Variants in SH3RF3 observed in about 807,000 individuals in gnomAD.
The protein encoded by SH3RF3 is E3 ubiquitin-protein ligase SH3RF3.
A neutral mutation model predicts 66.3 loss-of-function variants in SH3RF3; 29 were observed. That is an observed-to-expected ratio of 0.44 (90% confidence interval 0.33 to 0.60). SH3RF3 has a LOEUF of 0.60. SH3RF3 is among the 20% of genes least tolerant of loss of function. The pLI is 0.04. For synonymous variants in SH3RF3, 583 were observed against 532.0 expected, an observed-to-expected ratio of 1.10 and a Z score of -1.32; for missense variants, 1,194 against 1,190.9, an observed-to-expected ratio of 1.00 and a Z score of -0.04.
chr2:109,491,052 T>G, intron 9 of SH3RF3, 116 bp downstream of exon 9: 4 of 985,906 alleles, frequency 4.1e-6, no homozygotes, highest in Non-Finnish European at 5.5e-6. Flanking sequence ...TTACCAGATG[T>G]ACCTCAACAC....
intron 3 of SH3RF3, among the ~76,000 whole-genome samples, chr2:109,373,864 C>T (rs1033717197): frequency 6.6e-6 from 1 of 152,138 alleles, no homozygotes; most frequent in Admixed American, 6.5e-5. Context: ...TGCGTTGGGC[C>T]CCTCAGCCCC....
At chr2:109,212,571 G>C (rs989005117) in intron 1 of SH3RF3, among the ~76,000 whole-genome samples, 1 of 152,200 alleles carries the variant, frequency 6.6e-6, no homozygotes, top group Non-Finnish European at 1.5e-5. Context: ...GGAGTGGCTT[G>C]AGGAGAAGTC....
chr2:109,253,801 A>G (rs1213628686), intron 1 of SH3RF3, among the ~76,000 whole-genome samples: 1 of 152,206 alleles, frequency 6.6e-6, no homozygotes, highest in Non-Finnish European at 1.5e-5. Flanking sequence ...ATAGGTTGAC[A>G]CACAAAGATT....
chr2:109,479,567 G>A (rs1183819670), intron 8 of SH3RF3, among the ~76,000 whole-genome samples: 1 of 152,170 alleles, frequency 6.6e-6, no homozygotes, highest in Non-Finnish European at 1.5e-5. Flanking sequence ...ATGGGCAGAG[G>A]AAGCAGCAGC....
chr2:109,192,486 T>C (rs961636193), intron 1 of SH3RF3, among the ~76,000 whole-genome samples: 1 of 152,250 alleles, frequency 6.6e-6, no homozygotes, highest in South Asian at 2.1e-4. Context: ...TAGCCTGGTA[T>C]ACATTTGTGT....
intron 1 of SH3RF3, among the ~76,000 whole-genome samples, chr2:109,143,927 C>T (rs1483778686): frequency 1.3e-5 from 2 of 152,038 alleles, no homozygotes; most frequent in Non-Finnish European, 2.9e-5. Context: ...GGACGTTATG[C>T]GAAGTGAAAC....
intron 1 of SH3RF3, among the ~76,000 whole-genome samples, chr2:109,232,629 T>G: frequency 6.6e-6 from 1 of 152,164 alleles, no homozygotes; most frequent in East Asian, 1.9e-4. Flanking sequence ...GTCCATCCCT[T>G]CTTTCTGGAA....
intron 1 of SH3RF3, among the ~76,000 whole-genome samples, chr2:109,229,889 A>G (rs113780508): frequency 2.0e-5 from 3 of 148,442 alleles, no homozygotes; most frequent in Non-Finnish European, 4.4e-5. Flanking sequence ...CAGTGGCGCA[A>G]TCTTGGCTCA....
At position 109,364,231 on chromosome 2, in the gene SH3RF3, G is replaced by A. The variant is rs113518277; in HGVS notation, c.850-7355G>A. Among the ~76,000 whole-genome samples the A allele has an allele frequency of 7.5e-3, 1,138 of 151,106 alleles. 17 individuals carry two copies. Among genetic ancestry groups the A allele is most frequent in the African/African-American group, 0.026 (1,076 of 41,112 alleles). On this transcript the variant is annotated intron_variant, in intron 2 of 9. Coordinates refer to ENST00000309415, the MANE Select transcript of SH3RF3 (RefSeq NM_001099289.3). ...GAGGTTTCTATTGAGATATCCTCAA[G>A]CTCAGAGAGTCTTTCCTCAACTGTG...
chr2:109,420,360 A>G (rs1256177798), intron 5 of SH3RF3, among the ~76,000 whole-genome samples: 1 of 150,772 alleles, frequency 6.6e-6, no homozygotes, highest in African/African-American at 2.5e-5. Flanking sequence ...AGTTCTGTGA[A>G]TGCAGGGTGG....
At chr2:109,408,449 C>T (rs569818523) in intron 4 of SH3RF3, among the ~76,000 whole-genome samples, 1 of 152,356 alleles carries the variant, frequency 6.6e-6, no homozygotes, top group African/African-American at 2.4e-5. Context: ...GGCTAAACCA[C>T]CTACCTCCCC....
intron 3 of SH3RF3, among the ~76,000 whole-genome samples, chr2:109,388,045 C>T (rs1206127433): frequency 1.3e-5 from 2 of 152,214 alleles, no homozygotes; most frequent in African/African-American, 4.8e-5. Flanking sequence ...GTTCAGCCCT[C>T]ACAGCCTGAA....
intron 2 of SH3RF3, among the ~76,000 whole-genome samples, chr2:109,348,853 A>G (rs1682779763): frequency 6.6e-6 from 1 of 152,128 alleles, no homozygotes; most frequent in South Asian, 2.1e-4. Flanking sequence ...TGACAGAGCC[A>G]GAATCCTAAT....
At chr2:109,439,974 G>C (rs567353056) in intron 7 of SH3RF3, among the ~76,000 whole-genome samples, 1 of 152,302 alleles carries the variant, frequency 6.6e-6, no homozygotes, top group East Asian at 1.9e-4. Context: ...AGGGCATATG[G>C]AAAGTTTTCA....
At position 109,419,568 on chromosome 2, in the gene SH3RF3, C is replaced by T. The variant is rs1676816765; in HGVS notation, c.1329C>T (p.Pro443=). Residue 443 remains proline, a synonymous_variant, in exon 5 of 10, where the codon CCC becomes CCT. Coordinates refer to ENST00000309415, the MANE Select transcript of SH3RF3 (RefSeq NM_001099289.3). ...QDVSSSAGST[P]TAVPRAASVS... is the part of the protein sequence containing the mutation. The stretch of plus-strand genomic sequence containing the variant: ...TCTCCTCCTCGGCGGGATCTACCCC[C>T]ACGGCTGTCCCACGGGCTGCCTCGG... 1.9e-6 allele frequency: 3 copies of T among 1,598,746 alleles called. No homozygotes were observed. Among genetic ancestry groups the T allele is most frequent in the African/African-American group, 1.3e-5 (1 of 74,710 alleles).
intron 2 of SH3RF3, among the ~76,000 whole-genome samples, chr2:109,367,164 A>G (rs1683166770): frequency 7.7e-6 from 1 of 129,722 alleles, no homozygotes; most frequent in African/African-American, 3.0e-5. Context: ...GGGTTTTGCC[A>G]TGTTGGCCAG....
At chr2:109,416,499 C>T (rs926576373) in intron 4 of SH3RF3, among the ~76,000 whole-genome samples, 1 of 152,206 alleles carries the variant, frequency 6.6e-6, no homozygotes, top group Non-Finnish European at 1.5e-5. Context: ...ATTTTCCTGC[C>T]TCAGCCTCCC....
intron 1 of SH3RF3, among the ~76,000 whole-genome samples, chr2:109,212,818 C>T (rs1012213071): frequency 2.0e-5 from 3 of 152,178 alleles, no homozygotes; most frequent in Admixed American, 1.3e-4. Flanking sequence ...GTTAGACCTC[C>T]TGGTGAGCTG....
chr2:109,340,624 G>T (rs1200090959), intron 1 of SH3RF3, among the ~76,000 whole-genome samples: 1 of 152,294 alleles, frequency 6.6e-6, no homozygotes, highest in African/African-American at 2.4e-5. Context: ...GGCACCCAGG[G>T]TCCTGGAACA....
Sources: allele counts gnomAD v4.1 joint callset (sites outside exome capture counted in the v4.1 genomes callset), GRCh38; gene constraint gnomAD v4.1.1; transcripts MANE v1.5; gene names NCBI Gene and HGNC (gene_info 2026-07-23, HGNC 2026-07-21).